Variants in IL7 observed in about 807,000 individuals in gnomAD.
IL7 encodes the protein interleukin-7.
IL7 carries 3 observed loss-of-function variants against 21.6 expected under a neutral mutation model. The ratio of observed to expected loss-of-function variants is 0.14; its 90% CI spans 0.06 to 0.36. The LOEUF (loss-of-function observed/expected upper bound fraction) is 0.36, where lower values mean the gene tolerates loss of function less well. Ranked by LOEUF, IL7 falls within the 10% of genes least tolerant of loss-of-function variation. The probability of loss-of-function intolerance (pLI) is 1.00; values close to 1 mark genes in which losing one functional copy is unlikely to be tolerated. For missense variants in IL7, 175 were observed against 200.2 expected (o/e 0.87, Z 0.76); for synonymous variants, 62 against 68.1 (o/e 0.91, Z 0.44).
chr8:78,683,701 A>G (rs1809863673), intron 4 of IL7, among the ~76,000 whole-genome samples: 1 of 151,976 alleles, frequency 6.6e-6, no homozygotes, highest in Non-Finnish European at 1.5e-5. Flanking sequence ...TACTCATGCA[A>G]ATTTTTTCAG....
At chr8:78,702,999 C>T (rs544941792) in intron 3 of IL7, among the ~76,000 whole-genome samples, 5 of 152,156 alleles carry the variant, frequency 3.3e-5, no homozygotes, top group Non-Finnish European at 5.9e-5. Context: ...TGGGTTCAAG[C>T]GATTCTCCTG....
At chr8:78,801,824 CAT>C (rs1236328554) in intron 1 of IL7, among the ~76,000 whole-genome samples, 1 of 152,190 alleles carries the variant, frequency 6.6e-6, no homozygotes, top group Admixed American at 6.5e-5. Flanking sequence ...ACCCACATCT[CAT>C]AGGTTCCCAG....
At chr8:78,788,638 C>T (rs1013041372) in intron 2 of IL7, among the ~76,000 whole-genome samples, 34 of 152,044 alleles carry the variant, frequency 2.2e-4, no homozygotes, top group South Asian at 4.1e-4. Context: ...TGTTTTACGG[C>T]TCAGTACATG....
chr8:78,676,700 C>G (rs1345660853), intron 4 of IL7, among the ~76,000 whole-genome samples: 2 of 151,956 alleles, frequency 1.3e-5, no homozygotes, highest in African/African-American at 4.8e-5. Context: ...ACTGTAGGCA[C>G]CTTTTAAATA....
At chr8:78,761,392 A>G in intron 2 of IL7, 3 of 1,612,008 alleles carry the variant, frequency 1.9e-6, no homozygotes, top group South Asian at 1.1e-5. Flanking sequence ...CTAAAAGTCT[A>G]GAAGCAACAA....
chr8:78,751,644 T>C (rs1812177067), intron 2 of IL7, among the ~76,000 whole-genome samples: 1 of 152,222 alleles, frequency 6.6e-6, no homozygotes, highest in Non-Finnish European at 1.5e-5. Flanking sequence ...GTTGACACAA[T>C]AGTCGTACAT....
intron 3 of IL7, among the ~76,000 whole-genome samples, chr8:78,707,256 T>G (rs1810802023): frequency 6.6e-6 from 1 of 152,256 alleles, no homozygotes; most frequent in Non-Finnish European, 1.5e-5. Flanking sequence ...ATTTCTATAG[T>G]ACTGGCAATT....
At chr8:78,771,934 AAAGT>A (rs1307851215) in intron 2 of IL7, among the ~76,000 whole-genome samples, 5 of 152,090 alleles carry the variant, frequency 3.3e-5, no homozygotes, top group Non-Finnish European at 7.4e-5. Flanking sequence ...TGAGATTTTT[AAAGT>A]AAGTCATTTC....
chr8:78,761,932 G>A, intron 2 of IL7: 1 of 1,611,186 alleles, frequency 6.2e-7, no homozygotes, highest in Non-Finnish European at 8.5e-7. Context: ...GATATTTGAG[G>A]TATTCTTTGT....
chr8:78,746,413 G>C (rs1445511370), intron 2 of IL7, among the ~76,000 whole-genome samples: 1 of 152,190 alleles, frequency 6.6e-6, no homozygotes, highest in Non-Finnish European at 1.5e-5. Context: ...TTTCTCCACA[G>C]GCTTTCTTCA....
chr8:78,689,430 G>A (rs1810135459), intron 3 of IL7: 2 of 1,455,552 alleles, frequency 1.4e-6, no homozygotes, highest in Admixed American at 2.4e-5. Flanking sequence ...GACATTCATA[G>A]ATTATTGTTT....
At chr8:78,720,750 G>A (rs999744893) in intron 5 of IL7, among the ~76,000 whole-genome samples, 1 of 151,836 alleles carries the variant, frequency 6.6e-6, no homozygotes, top group Non-Finnish European at 1.5e-5. Context: ...ATGATATTTT[G>A]TTAGCAAAAT....
chr8:78,725,149 G>A (rs1811319336), intron 3 of IL7, among the ~76,000 whole-genome samples: 2 of 152,002 alleles, frequency 1.3e-5, no homozygotes, highest in Admixed American at 6.6e-5. Flanking sequence ...CAGCGAGGGA[G>A]TATTCATGTG....
At chr8:78,744,559 G>A (rs1811911621) in intron 2 of IL7, among the ~76,000 whole-genome samples, 2 of 152,166 alleles carry the variant, frequency 1.3e-5, no homozygotes, top group Admixed American at 6.5e-5. Context: ...AAGCCAATGT[G>A]TCTTATCCTT....
At chr8:78,770,061 A>G (rs1256495963) in intron 2 of IL7, among the ~76,000 whole-genome samples, 1 of 152,220 alleles carries the variant, frequency 6.6e-6, no homozygotes, top group African/African-American at 2.4e-5. Context: ...CTTAAATGTT[A>G]GGCCTAAAAC....
At chr8:78,679,187 G>C (rs1481492733) in intron 4 of IL7, 1 of 152,136 alleles carries the variant, frequency 6.6e-6, no homozygotes, top group African/African-American at 2.4e-5. Flanking sequence ...GTTGTTCAGT[G>C]TCCAGATATA....
chr8:78,793,994 G>A (rs1813776100), intron 2 of IL7, among the ~76,000 whole-genome samples: 1 of 152,084 alleles, frequency 6.6e-6, no homozygotes, highest in East Asian at 1.9e-4. Context: ...CAGCATTTCA[G>A]TCACATCTTC....
At position 78,768,110 on chromosome 8, in the gene IL7, G is replaced by C. The variant is rs568458700; in HGVS notation, c.148-28028C>G. Reference sequence around the variant, plus strand: ...ACAAAGGACATGAACTCATCCTTTTGTATGGCTGCATAGTATTCCATGGTG... The same window carrying C: ...ACAAAGGACATGAACTCATCCTTTTCTATGGCTGCATAGTATTCCATGGTG... On this transcript the variant is annotated intron_variant, in intron 2 of 5. Transcript: ENST00000263851. Among the ~76,000 whole-genome samples the C allele has an allele frequency of 5.4e-4, 82 of 152,214 alleles. 1 individual carries two copies. The highest frequency in any genetic ancestry group is 1.6e-3 in the African/African-American group (68 of 41,546).
chr8:78,788,593 G>A (rs893230553), intron 2 of IL7, among the ~76,000 whole-genome samples: 9 of 152,052 alleles, frequency 5.9e-5, no homozygotes, highest in African/African-American at 1.7e-4. Context: ...AGCATGTTGT[G>A]CATGACTTGT....
Sources: gnomAD v4.1 joint callset for allele counts (sites outside exome capture counted in the v4.1 genomes callset) on GRCh38, gnomAD v4.1.1 for gene constraint, MANE v1.5 for transcripts, NCBI Gene and HGNC (gene_info 2026-07-23, HGNC 2026-07-21) for gene names.